Variants in TFCP2L1 observed in about 807,000 individuals in gnomAD.
TFCP2L1 encodes the protein transcription factor CP2-like protein 1.
In TFCP2L1, 12 loss-of-function variants were observed where a neutral mutation model predicts 72.2. The observed-to-expected ratio is 0.17, with a 90% CI of 0.11 to 0.27. TFCP2L1 has a LOEUF of 0.27. Ranked by LOEUF, TFCP2L1 falls within the 10% of genes least tolerant of loss-of-function variation. TFCP2L1 has a pLI of 1.00. For synonymous variants in TFCP2L1, 260 were observed against 251.0 expected (o/e 1.04, Z -0.34); for missense variants, 488 against 624.6 (o/e 0.78, Z 2.33).
chr2:121,249,084 T>C lies in TFCP2L1; in HGVS notation c.295A>G (p.Ile99Val), dbSNP rs149008960. The C allele has an allele frequency of 9.3e-4, 1,466 of 1,571,074 alleles. 7 individuals are homozygous for C. The African/African-American group carries it at 0.015, about 16-fold the overall frequency. Residue 99 changes from isoleucine (I) to valine (V), a missense_variant, in exon 4 of 15, where the codon ATC becomes GTC. Transcript: ENST00000263707. ...CGGTCATGGAAGACCACACGGATGA[T>C]GCTCTGGGGAGGGAGGCCAGCAGGG... is the stretch of plus-strand genomic sequence containing the variant. ...QDLNTKYVKS[I>V]IRVVFHDRRL...
At chr2:121,235,155 G>A in intron 11 of TFCP2L1, 66 bp downstream of exon 11, 1 of 1,559,982 alleles carries the variant, frequency 6.4e-7, no homozygotes, top group African/African-American at 1.4e-5. Flanking sequence ...GCTGAGGTAG[G>A]GGTTTCCCAC....
Position 121,222,075 on chromosome 2 carries a change from G to A in TFCP2L1, c.*2266C>T, listed in dbSNP as rs1685938670. The A allele has an allele frequency of 6.6e-6, 1 of 152,218 alleles. No homozygotes were observed. The highest frequency in any genetic ancestry group is 2.4e-5 in the African/African-American group (1 of 41,450). 9.4% of individuals were successfully genotyped at this position (152,218 alleles called of 1,614,324 possible). ...AGACACTCAGCATCAGTTGCCATCA[G>A]GGGAATGCAAATCAAAACCACAAGA... On this transcript the variant is annotated 3_prime_UTR_variant, in exon 15 of 15. Transcript: ENST00000263707.
chr2:121,237,762 C>T (rs772072349), intron 9 of TFCP2L1, 40 bp downstream of exon 9: 36 of 1,613,976 alleles, frequency 2.2e-5, no homozygotes, highest in African/African-American at 1.6e-4. Flanking sequence ...TCAGGGCCCA[C>T]GAGGGACCAC....
intron 2 of TFCP2L1, among the ~76,000 whole-genome samples, chr2:121,277,132 A>C (rs1165183839): frequency 1.3e-5 from 2 of 152,256 alleles, no homozygotes; most frequent in Non-Finnish European, 2.9e-5. Context: ...TGCAAAGGAC[A>C]GGAATATAAT....
intron 2 of TFCP2L1, among the ~76,000 whole-genome samples, chr2:121,272,398 G>T (rs1311572957): frequency 6.6e-6 from 1 of 152,196 alleles, no homozygotes; most frequent in African/African-American, 2.4e-5. Context: ...TAGGAGTTCA[G>T]TGCTTTTTGT....
At chr2:121,285,011 C>G in intron 1 of TFCP2L1, 37 bp downstream of exon 1, 1 of 1,449,772 alleles carries the variant, frequency 6.9e-7, no homozygotes, top group Non-Finnish European at 9.1e-7. Context: ...CCCGCCGGCC[C>G]GGCCCGAGAC....
At chr2:121,258,903 T>A (rs1302845126) in intron 2 of TFCP2L1, among the ~76,000 whole-genome samples, 1 of 152,194 alleles carries the variant, frequency 6.6e-6, no homozygotes, top group African/African-American at 2.4e-5. Context: ...TGTGGTTATA[T>A]AAAAGAATGT....
intron 6 of TFCP2L1, 127 bp from the exon 7 acceptor site, chr2:121,242,596 C>T (rs1686400040): frequency 3.7e-6 from 3 of 800,504 alleles, no homozygotes; most frequent in Non-Finnish European, 6.4e-6. Flanking sequence ...CAGGACAGCA[C>T]CTATCTCCCC....
rs1685897731 is a variant in TFCP2L1 at position 121,219,807 on chromosome 2, C to T, written c.*4534G>A. 6.6e-6 allele frequency: 1 copy of T among 152,128 alleles called. No individual in the cohort carries two copies. The highest frequency in any genetic ancestry group is 2.4e-5 in the African/African-American group (1 of 41,422). The allele number at this position is 152,128 out of a possible 1,614,324, so 9.4% of individuals were successfully genotyped here. A position where few individuals can be genotyped will look rare whatever the true frequency, so the allele number is the denominator to read the frequency against. ...TTTGATGGAGGGAAAAATGGGAAAA[C>T]CCCTCAGATTCATTTCATGGCAGGT... On this transcript the variant is annotated 3_prime_UTR_variant, in exon 15 of 15. Coordinates refer to ENST00000263707, the MANE Select transcript of TFCP2L1 (RefSeq NM_014553.3).
rs1009075580 is a variant in TFCP2L1 at position 121,232,745 on chromosome 2, A to T, written c.1199-777T>A. On this transcript the variant is annotated intron_variant, in intron 12 of 14. Coordinates refer to ENST00000263707, the MANE Select transcript of TFCP2L1 (RefSeq NM_014553.3). The stretch of plus-strand genomic sequence containing the variant: ...TTCCCCTGCCCGCAACACAAACCAT[A>T]CTCAGCCTCAACACAGTAACCCTAA... 4.5e-4 allele frequency among the ~76,000 whole-genome samples: 68 copies of T among 152,096 alleles called. 1 individual carries two copies. Among genetic ancestry groups the T allele is most frequent in the African/African-American group, 1.5e-3 (63 of 41,400 alleles).
intron 2 of TFCP2L1, among the ~76,000 whole-genome samples, chr2:121,268,382 G>A (rs1243809400): frequency 1.3e-5 from 2 of 151,398 alleles, no homozygotes; most frequent in East Asian, 3.9e-4. Flanking sequence ...TAGTAACAGG[G>A]TCTCACTGTT....
chr2:121,231,137 C>G (rs1214568557), intron 13 of TFCP2L1, among the ~76,000 whole-genome samples: 2 of 152,150 alleles, frequency 1.3e-5, no homozygotes, highest in East Asian at 3.9e-4. Flanking sequence ...CATATAGAGG[C>G]AGACAGGATT....
chr2:121,231,092 G>A (rs946287961), intron 13 of TFCP2L1, among the ~76,000 whole-genome samples: 5 of 152,068 alleles, frequency 3.3e-5, no homozygotes, highest in African/African-American at 4.8e-5. Context: ...CCTCAGGCCC[G>A]CATCTGTGAA....
At chr2:121,240,764 C>T (rs1686351260) in intron 7 of TFCP2L1, 5 of 982,886 alleles carry the variant, frequency 5.1e-6, no homozygotes, top group African/African-American at 1.7e-5. Flanking sequence ...GAACCAGGTA[C>T]GGGAAGAAAC....
At chr2:121,256,664 G>C (rs112829256) in intron 2 of TFCP2L1, among the ~76,000 whole-genome samples, 19,951 of 151,544 alleles carry the variant, frequency 0.13, 3,176 homozygotes, top group African/African-American at 0.38. Flanking sequence ...GTAGTCCCAG[G>C]TACTCGGGAA....
In TFCP2L1 at chr2:121,231,821, C is replaced by T; in HGVS notation, c.1341+5G>A. The T allele has an allele frequency of 1.2e-6, 2 of 1,612,554 alleles. No individual in the cohort carries two copies. Among genetic ancestry groups the T allele is most frequent in the Non-Finnish European group, 1.7e-6 (2 of 1,179,310 alleles). On this transcript the variant is annotated splice_donor_5th_base_variant and intron_variant, in intron 13 of 14. Transcript: ENST00000263707. ...TGTCGGGGCAGGCCAGGCAGCAGCCCTCACCTCGTTGCTCACCACCACATG... is the reference window on the plus strand; with the variant it reads ...TGTCGGGGCAGGCCAGGCAGCAGCCTTCACCTCGTTGCTCACCACCACATG...
At chr2:121,269,021 CTT>C (rs559731568) in intron 2 of TFCP2L1, among the ~76,000 whole-genome samples, 26 of 144,596 alleles carry the variant, frequency 1.8e-4, no homozygotes, top group African/African-American at 6.6e-4. Context: ...TAGGGAAAGG[CTT>C]TTTTTTTTAT....
At chr2:121,224,644 A>T (rs1359429031) in intron 14 of TFCP2L1, among the ~76,000 whole-genome samples, 1 of 152,180 alleles carries the variant, frequency 6.6e-6, no homozygotes, top group Non-Finnish European at 1.5e-5. Context: ...GAGGATTTGG[A>T]CAACTGTGGT....
intron 2 of TFCP2L1, among the ~76,000 whole-genome samples, chr2:121,279,638 G>C (rs978487045): frequency 6.6e-6 from 1 of 152,246 alleles, no homozygotes; most frequent in Non-Finnish European, 1.5e-5. Context: ...AGTAAGCAGA[G>C]AGCCTGATGA....
Sources: gnomAD v4.1 joint callset for allele counts (sites outside exome capture counted in the v4.1 genomes callset) on GRCh38, gnomAD v4.1.1 for gene constraint, MANE v1.5 for transcripts, NCBI Gene and HGNC (gene_info 2026-07-23, HGNC 2026-07-21) for gene names.